EPB41L5: variants seen among roughly 807,000 people sequenced by gnomAD.
The protein encoded by EPB41L5 is band 4.1-like protein 5.
A neutral mutation model predicts 106.6 loss-of-function variants in EPB41L5; 55 were observed. The observed-to-expected ratio is 0.52, with a 90% CI of 0.42 to 0.65. The LOEUF (loss-of-function observed/expected upper bound fraction) is 0.65. Ranked by LOEUF, EPB41L5 falls within the 30% of genes least tolerant of loss-of-function variation. The pLI, the probability that EPB41L5 is intolerant of heterozygous loss-of-function variation, is 0.00. For missense variants in EPB41L5, 871 were observed against 882.1 expected (o/e 0.99, Z 0.16); for synonymous variants, 297 against 306.7 (o/e 0.97, Z 0.33).
intron 16 of EPB41L5, among the ~76,000 whole-genome samples, chr2:120,103,128 G>A (rs1463318322): frequency 6.6e-6 from 1 of 152,080 alleles, no homozygotes; most frequent in Non-Finnish European, 1.5e-5. Flanking sequence ...TAATGTTTTG[G>A]TTGAGTTAGA....
intron 2 of EPB41L5, among the ~76,000 whole-genome samples, chr2:120,025,576 A>G (rs192168079): frequency 1.3e-5 from 2 of 152,334 alleles, no homozygotes; most frequent in East Asian, 1.9e-4. Flanking sequence ...AACAATTTTT[A>G]TATACCTACT....
chr2:120,035,742 A>G (rs1408099622), intron 2 of EPB41L5, among the ~76,000 whole-genome samples: 1 of 152,228 alleles, frequency 6.6e-6, no homozygotes, highest in Non-Finnish European at 1.5e-5. Flanking sequence ...TTTAATTTTA[A>G]AAGAAATTCA....
At chr2:120,157,495 A>G (rs535605697) in intron 20 of EPB41L5, among the ~76,000 whole-genome samples, 7 of 152,292 alleles carry the variant, frequency 4.6e-5, no homozygotes, top group Non-Finnish European at 8.8e-5. Flanking sequence ...GAGGCTGGGC[A>G]TAGTGACTCA....
chr2:120,087,366 A>C lies in EPB41L5; in HGVS notation c.873+126A>C, dbSNP rs974337530. ...CCACAGAATGCAAACAGTATAATTA[A>C]TGCTTTAAATAATTTCCTTACTTGG... On this transcript the variant is annotated intron_variant, in intron 11 of 24. Coordinates refer to ENST00000263713, the MANE Select transcript of EPB41L5 (RefSeq NM_020909.4). 4 of 539,722 alleles carry C rather than the reference A, an allele frequency of 7.4e-6. No individual in the cohort carries two copies. In the South Asian group the frequency reaches 9.5e-5, roughly 13 times the overall value. The allele number at this position is 539,722 out of a possible 1,614,324, so 33.4% of individuals were successfully genotyped here.
intron 3 of EPB41L5, among the ~76,000 whole-genome samples, chr2:120,069,833 T>A (rs1004737904): frequency 3.3e-5 from 5 of 152,118 alleles, no homozygotes; most frequent in Non-Finnish European, 4.4e-5. Flanking sequence ...AGAGGGAAAT[T>A]TATAGCACTA....
At chr2:120,137,323 A>G (rs1685968887) in intron 18 of EPB41L5, among the ~76,000 whole-genome samples, 1 of 152,134 alleles carries the variant, frequency 6.6e-6, no homozygotes. Context: ...AAGCAAGAGC[A>G]AACTAAACCC....
intron 18 of EPB41L5, among the ~76,000 whole-genome samples, chr2:120,134,564 C>T (rs58452884): frequency 0.049 from 7,406 of 152,264 alleles, 215 homozygotes; most frequent in African/African-American, 0.066. Flanking sequence ...GTGCTTGTGT[C>T]GTTCCTCCCC....
chr2:120,108,273 A>G (rs1475638865), intron 16 of EPB41L5: 1 of 152,132 alleles, frequency 6.6e-6, no homozygotes, highest in African/African-American at 2.4e-5. Context: ...GTGTTTTCCA[A>G]GGATTGTGAC....
At chr2:120,078,153 C>T (rs1028370932) in intron 9 of EPB41L5, among the ~76,000 whole-genome samples, 2 of 152,062 alleles carry the variant, frequency 1.3e-5, no homozygotes, top group African/African-American at 2.4e-5. Context: ...AGAGCCAAAC[C>T]GTATCAGCAG....
At chr2:120,142,113 TAAAA>T (rs59204598) in intron 18 of EPB41L5, among the ~76,000 whole-genome samples, 1,670 of 143,192 alleles carry the variant, frequency 0.012, 39 homozygotes, top group African/African-American at 0.04. Flanking sequence ...CTTTCTTTTT[TAAAA>T]AAAAAAAAAA....
intron 3 of EPB41L5, among the ~76,000 whole-genome samples, chr2:120,050,834 TTGGTGTG>T (rs1361316793): frequency 2.6e-5 from 4 of 152,198 alleles, no homozygotes; most frequent in African/African-American, 9.6e-5. Flanking sequence ...AGATGGGGTT[TTGGTGTG>T]GATGTCCTTT....
chr2:120,156,866 T>C (rs189121636), intron 20 of EPB41L5, among the ~76,000 whole-genome samples: 4 of 152,318 alleles, frequency 2.6e-5, no homozygotes, highest in Admixed American at 2.6e-4. Flanking sequence ...CCACTGATAG[T>C]ATTAGACACA....
intron 14 of EPB41L5, among the ~76,000 whole-genome samples, chr2:120,095,446 T>C (rs1039170360): frequency 1.3e-5 from 2 of 152,032 alleles, no homozygotes; most frequent in African/African-American, 4.8e-5. Context: ...ACATGTAAGT[T>C]GTTACACTTG....
chr2:120,015,397 C>G (rs182341798), intron 1 of EPB41L5, among the ~76,000 whole-genome samples: 1 of 151,848 alleles, frequency 6.6e-6, no homozygotes. Flanking sequence ...CCAACAGTTC[C>G]GCCTTAGCCT....
chr2:120,151,633 A>T (rs1450499855), intron 20 of EPB41L5, among the ~76,000 whole-genome samples: 15 of 110,972 alleles, frequency 1.4e-4, no homozygotes, highest in South Asian at 2.7e-4. Context: ...TTTTTTTTTT[A>T]AAGACGGAGT....
At chr2:120,132,060 T>TG (rs992256060) in intron 18 of EPB41L5, among the ~76,000 whole-genome samples, 7 of 152,224 alleles carry the variant, frequency 4.6e-5, no homozygotes, top group African/African-American at 1.7e-4. Context: ...AGAGCTGCTC[T>TG]GTGGTATAAA....
At chr2:120,126,073 C>T (rs1359972430) in intron 16 of EPB41L5, among the ~76,000 whole-genome samples, 1 of 152,084 alleles carries the variant, frequency 6.6e-6, no homozygotes, top group East Asian at 1.9e-4. Context: ...TCAGTCATAG[C>T]GGATTAGCTG....
At chr2:120,092,240 G>T (rs1683472186) in intron 13 of EPB41L5, among the ~76,000 whole-genome samples, 1 of 152,004 alleles carries the variant, frequency 6.6e-6, no homozygotes, top group African/African-American at 2.4e-5. Flanking sequence ...TGTTGGCTGG[G>T]CTGGTCTTGA....
At chr2:120,058,287 G>A (rs1278339578) in intron 3 of EPB41L5, among the ~76,000 whole-genome samples, 1 of 152,120 alleles carries the variant, frequency 6.6e-6, no homozygotes, top group Non-Finnish European at 1.5e-5. Context: ...CTGGGCTCAA[G>A]TGATCCACCC....
Sources: gnomAD v4.1 joint callset for allele counts (sites outside exome capture counted in the v4.1 genomes callset) on GRCh38, gnomAD v4.1.1 for gene constraint, MANE v1.5 for transcripts, NCBI Gene and HGNC (gene_info 2026-07-23, HGNC 2026-07-21) for gene names.